Variants in CHSY1 observed in about 807,000 individuals in gnomAD.
The protein encoded by CHSY1 is chondroitin sulfate synthase 1.
A neutral mutation model predicts 59.8 loss-of-function variants in CHSY1; 13 were observed. That is an observed-to-expected ratio of 0.22 (90% CI 0.14 to 0.35). The LOEUF is 0.35. Ranked by LOEUF, CHSY1 falls within the 10% of genes least tolerant of loss-of-function variation. The pLI is 1.00. For synonymous variants in CHSY1, 459 were observed against 401.2 expected (o/e 1.14, Z -1.72); for missense variants, 947 against 1,030.6 (o/e 0.92, Z 1.11).
chr15:101,235,691 C>T (rs2038934424), intron 1 of CHSY1, 114 bp from the exon 2 acceptor site: 2 of 1,171,716 alleles, frequency 1.7e-6, no homozygotes, highest in Non-Finnish European at 2.5e-6. Context: ...TAAAAAGCTA[C>T]TTGGCCTGCT....
chr15:101,197,934 A>C (rs1211069257), intron 2 of CHSY1, among the ~76,000 whole-genome samples: 1 of 152,146 alleles, frequency 6.6e-6, no homozygotes, highest in Non-Finnish European at 1.5e-5. Flanking sequence ...AACCCAGTCC[A>C]CCAAAGAGAG....
intron 1 of CHSY1, among the ~76,000 whole-genome samples, chr15:101,250,731 A>G (rs1006779812): frequency 2.4e-4 from 37 of 152,332 alleles, no homozygotes; most frequent in Non-Finnish European, 4.7e-4. Flanking sequence ...GCAAGGACAA[A>G]GGTGCACATT....
intron 2 of CHSY1, among the ~76,000 whole-genome samples, chr15:101,184,436 A>G (rs2038325795): frequency 6.6e-6 from 1 of 150,602 alleles, no homozygotes; most frequent in Non-Finnish European, 1.5e-5. Context: ...GCTGGAGTGC[A>G]GTGGTGTGAT....
chr15:101,196,678 A>T (rs1182967559), intron 2 of CHSY1, among the ~76,000 whole-genome samples: 1 of 152,228 alleles, frequency 6.6e-6, no homozygotes, highest in Non-Finnish European at 1.5e-5. Flanking sequence ...CAACACCAGC[A>T]ATAAAGCCAC....
chr15:101,198,071 G>A (rs1324540344), intron 2 of CHSY1, among the ~76,000 whole-genome samples: 1 of 152,012 alleles, frequency 6.6e-6, no homozygotes, highest in Non-Finnish European at 1.5e-5. Flanking sequence ...TCTGACTCCG[G>A]CTATCGGGCC....
intron 2 of CHSY1, among the ~76,000 whole-genome samples, chr15:101,225,021 G>A (rs889498577): frequency 1.3e-5 from 2 of 152,188 alleles, no homozygotes; most frequent in Non-Finnish European, 2.9e-5. Flanking sequence ...CAGGCAACGA[G>A]AGTGCCTCCC....
chr15:101,181,608 T>C (rs2038279416), intron 2 of CHSY1, among the ~76,000 whole-genome samples: 1 of 152,218 alleles, frequency 6.6e-6, no homozygotes, highest in Admixed American at 6.5e-5. Flanking sequence ...CACTGGGTCA[T>C]GCCACAGGTT....
chr15:101,183,551 G>T lies in CHSY1; in HGVS notation c.817-4571C>A, dbSNP rs553374052. Among the ~76,000 whole-genome samples, 4 of 152,294 alleles carry T rather than the reference G, an allele frequency of 2.6e-5. No individual in the cohort carries two copies. In the East Asian group the frequency reaches 7.7e-4, roughly 29 times the overall value. ...GATACTCAGGACTCAATTTTACCTT[G>T]CACTCATTCCTTCCCAGGAAGCTAC... is the stretch of plus-strand genomic sequence containing the variant. On this transcript the variant is annotated intron_variant, in intron 2 of 2. Coordinates refer to ENST00000254190, the MANE Select transcript of CHSY1 (RefSeq NM_014918.5).
At chr15:101,220,635 C>T (rs1261459435) in intron 2 of CHSY1, among the ~76,000 whole-genome samples, 1 of 152,222 alleles carries the variant, frequency 6.6e-6, no homozygotes, top group African/African-American at 2.4e-5. Flanking sequence ...AGCAGAGGGA[C>T]CCTCTGGAAA....
chr15:101,180,518 G>T (rs2038262835), intron 2 of CHSY1, among the ~76,000 whole-genome samples: 1 of 152,126 alleles, frequency 6.6e-6, no homozygotes, highest in Non-Finnish European at 1.5e-5. Flanking sequence ...GCTAGGAGGA[G>T]AAACTCCGAC....
At chr15:101,209,958 AG>A (rs1175231352) in intron 2 of CHSY1, among the ~76,000 whole-genome samples, 1 of 152,236 alleles carries the variant, frequency 6.6e-6, no homozygotes, top group East Asian at 1.9e-4. Context: ...AGACTCTTTG[AG>A]GTTACTACAA....
intron 2 of CHSY1, among the ~76,000 whole-genome samples, chr15:101,231,197 G>A (rs8042009): frequency 0.31 from 47,451 of 151,938 alleles, 9,169 homozygotes; most frequent in African/African-American, 0.55. Context: ...GGGAGCCTTG[G>A]GCTAAATGAC....
intron 1 of CHSY1, among the ~76,000 whole-genome samples, chr15:101,246,919 A>C (rs1596457197): frequency 6.6e-6 from 1 of 152,376 alleles, no homozygotes; most frequent in East Asian, 1.9e-4. Context: ...CTAGTAATGC[A>C]AGACACAAGA....
At position 101,178,990 on chromosome 15, in the gene CHSY1, G is replaced by GA. The variant is rs769105634; in HGVS notation, c.817-11dup. 173 of 1,612,038 alleles carry GA rather than the reference G, an allele frequency of 1.1e-4. No homozygotes were observed. In the African/African-American group the frequency reaches 1.9e-3, roughly 18 times the overall value. Reference sequence around the variant, plus strand: ...AAAAAAGCTGCTGCATCTGTTACAGGAAAAAAAAGAGATCACAAATTTAGT... The same window carrying GA: ...AAAAAAGCTGCTGCATCTGTTACAGGAAAAAAAAAGAGATCACAAATTTAGT... On this transcript the variant is annotated splice_polypyrimidine_tract_variant and intron_variant, in intron 2 of 2. Transcript: ENST00000254190.
intron 2 of CHSY1, among the ~76,000 whole-genome samples, chr15:101,184,323 TG>T (rs2038323351): frequency 1.3e-5 from 2 of 152,178 alleles, no homozygotes; most frequent in Non-Finnish European, 2.9e-5. Flanking sequence ...TGAAAGTTGC[TG>T]TAAGTACCTT....
In CHSY1 at chr15:101,219,588, C is replaced by A. The variant is rs531918685; in HGVS notation, c.816+15494G>T. Among the ~76,000 whole-genome samples, 10 of 152,318 alleles carry A rather than the reference C, an allele frequency of 6.6e-5. No individual in the cohort carries two copies. In the South Asian group the frequency reaches 2.1e-3, roughly 32 times the overall value. The stretch of plus-strand genomic sequence containing the variant: ...ACACTCCACAGCTTACTTCTCCAAA[C>A]AAACACCACTCAGCTCTGCCCAGGT... On this transcript the variant is annotated intron_variant, in intron 2 of 2. Transcript: ENST00000254190.
At chr15:101,203,977 C>T (rs1223595632) in intron 2 of CHSY1, among the ~76,000 whole-genome samples, 1 of 152,190 alleles carries the variant, frequency 6.6e-6, no homozygotes, top group Non-Finnish European at 1.5e-5. Context: ...CAGAATATGA[C>T]TAAACTCTGT....
chr15:101,218,514 T>C (rs1444629857), intron 2 of CHSY1, among the ~76,000 whole-genome samples: 1 of 152,192 alleles, frequency 6.6e-6, no homozygotes, highest in Non-Finnish European at 1.5e-5. Flanking sequence ...GGGAATCACT[T>C]GAATGCAGGA....
At chr15:101,205,938 A>T (rs187164390) in intron 2 of CHSY1, among the ~76,000 whole-genome samples, 1 of 151,662 alleles carries the variant, frequency 6.6e-6, no homozygotes, top group African/African-American at 2.4e-5. Flanking sequence ...GGCGAAAGAG[A>T]GAGACTCCGT....
Sources: allele counts gnomAD v4.1 joint callset (sites outside exome capture counted in the v4.1 genomes callset), GRCh38; gene constraint gnomAD v4.1.1; transcripts MANE v1.5; gene names NCBI Gene and HGNC (gene_info 2026-07-23, HGNC 2026-07-21).